ALS2CL: variants seen among roughly 807,000 people sequenced by gnomAD.
ALS2CL encodes ALS2 C-terminal-like protein.
ALS2CL carries 112 observed loss-of-function variants against 127.9 expected under a neutral mutation model. The ratio of observed to expected loss-of-function variants is 0.88; its 90% CI spans 0.75 to 1.02. The LOEUF is 1.02. ALS2CL is among the 50% of genes least tolerant of loss of function. The probability of loss-of-function intolerance (pLI) is 0.00; values close to 1 mark genes in which losing one functional copy is unlikely to be tolerated. For synonymous variants in ALS2CL, 519 were observed against 527.6 expected, an observed-to-expected ratio of 0.98 and a Z score of 0.22; for missense variants, 1,174 against 1,236.7, an observed-to-expected ratio of 0.95 and a Z score of 0.76.
rs765208490 is a variant in ALS2CL, at chr3:46,680,529, G to T, written c.1449C>A (p.Tyr483Ter). 4 of 1,612,522 alleles carry T rather than the reference G, an allele frequency of 2.5e-6. No homozygotes were observed. The highest frequency in any genetic ancestry group is 3.4e-6 in the Non-Finnish European group (4 of 1,179,946). Residue 483 changes from tyrosine (Y) to a stop codon, truncating the protein, a stop_gained, in exon 14 of 26, where the codon TAC becomes TAA. Coordinates refer to ENST00000318962, the MANE Select transcript of ALS2CL (RefSeq NM_147129.5). LOFTEE classifies it high-confidence loss of function. ...GCTGACCAGCCTGCCACATGCCAATGTAGCGCTCACCTCTGGAAGGAGAGG... is the reference window on the plus strand; with the variant it reads ...GCTGACCAGCCTGCCACATGCCAATTTAGCGCTCACCTCTGGAAGGAGAGG... ...IEEDGDRGER[Y>*]IGMWQAGQRH...
At chr3:46,683,008 A>C in intron 10 of ALS2CL, 122 bp downstream of exon 10, 1 of 1,057,596 alleles carries the variant, frequency 9.5e-7, no homozygotes, top group Non-Finnish European at 1.3e-6. Context: ...CTGAGAATTG[A>C]CTGTCCACAG....
chr3:46,691,924 C>T (rs1161756828), intron 1 of ALS2CL, among the ~76,000 whole-genome samples: 2 of 152,008 alleles, frequency 1.3e-5, no homozygotes, highest in African/African-American at 2.4e-5. Flanking sequence ...TGGAAGGGGG[C>T]TTCTCTGGGT....
intron 21 of ALS2CL, 64 bp from the exon 22 acceptor site, chr3:46,673,445 G>A (rs1698569831): frequency 2.0e-6 from 3 of 1,502,670 alleles, no homozygotes; most frequent in Non-Finnish European, 2.7e-6. Flanking sequence ...GAGGTCAGAG[G>A]GCAAATTCCC....
intron 21 of ALS2CL, among the ~76,000 whole-genome samples, chr3:46,674,210 AC>A (rs1173701890): frequency 2.0e-5 from 3 of 152,000 alleles, no homozygotes; most frequent in Non-Finnish European, 2.9e-5. Context: ...TGGGCTCAAG[AC>A]CCAAGCCCCA....
At chr3:46,672,521 AG>A (rs979333020) in intron 22 of ALS2CL, among the ~76,000 whole-genome samples, 3 of 152,208 alleles carry the variant, frequency 2.0e-5, no homozygotes, top group African/African-American at 7.2e-5. Context: ...CTCAAACCCA[AG>A]GGCTTAGTGA....
At chr3:46,679,373 G>C in intron 14 of ALS2CL, 86 bp from the exon 15 acceptor site, 1 of 1,207,668 alleles carries the variant, frequency 8.3e-7, no homozygotes, top group Non-Finnish European at 1.2e-6. Flanking sequence ...GCCAAAGAAG[G>C]GAGATGTGCC....
At chr3:46,685,237 C>T (rs1699672147) in intron 7 of ALS2CL, among the ~76,000 whole-genome samples, 1 of 152,228 alleles carries the variant, frequency 6.6e-6, no homozygotes, top group South Asian at 2.1e-4. Context: ...CTCACAATGA[C>T]CCCCACATTC....
At chr3:46,682,590 G>A (rs943339614) in intron 10 of ALS2CL, among the ~76,000 whole-genome samples, 3 of 152,152 alleles carry the variant, frequency 2.0e-5, no homozygotes, top group African/African-American at 7.2e-5. Context: ...CCCAGCTGTG[G>A]CATGGGGTGG....
intron 19 of ALS2CL, chr3:46,676,044 G>C: frequency 7.2e-7 from 1 of 1,385,782 alleles, no homozygotes; most frequent in Non-Finnish European, 9.5e-7. Context: ...TTGGACTCTA[G>C]CTGAGGGCTG....
In ALS2CL at chr3:46,669,542, G is replaced by C. The variant is rs545983088; in HGVS notation, c.*1442C>G. The C allele has an allele frequency of 1.3e-5, 2 of 152,396 alleles. No individual in the cohort carries two copies. Among genetic ancestry groups the C allele is most frequent in the South Asian group, 4.1e-4 (2 of 4,826 alleles). 9.4% of individuals were successfully genotyped at this position (152,396 alleles called of 1,614,324 possible). A position where few individuals can be genotyped will look rare whatever the true frequency, so the allele number is the denominator to read the frequency against. On this transcript the variant is annotated 3_prime_UTR_variant, in exon 26 of 26. Coordinates refer to ENST00000318962, the MANE Select transcript of ALS2CL (RefSeq NM_147129.5). The stretch of plus-strand genomic sequence containing the variant: ...AGAGCTGGCTGATGCCGATTGGAAA[G>C]GATAGAATCCTAGTGAGCTGCCCCA...
In ALS2CL at chr3:46,686,260, C is replaced by A. The variant is rs371622388; in HGVS notation, c.666+48G>T. 5.6e-5 allele frequency: 88 copies of A among 1,560,502 alleles called. No homozygotes were observed. Among genetic ancestry groups the A allele is most frequent in the Non-Finnish European group, 6.8e-5 (79 of 1,153,536 alleles). On this transcript the variant is annotated intron_variant, in intron 6 of 25. Coordinates refer to ENST00000318962, the MANE Select transcript of ALS2CL (RefSeq NM_147129.5). The surrounding 1 kb of genome is among the most constrained non-coding windows in gnomAD (Gnocchi z 4.3). ...GCTCAAGCCCCCCAACATCTCCATG[C>A]CCAATGTGGAACCCCCTCCCTAACT...
intron 14 of ALS2CL, chr3:46,679,497 T>C (rs1268369378): frequency 5.3e-6 from 2 of 379,786 alleles, no homozygotes; most frequent in Non-Finnish European, 9.4e-6. Context: ...CATCCCTGGA[T>C]TTCCCCAAAT....
intron 10 of ALS2CL, among the ~76,000 whole-genome samples, 178 bp downstream of exon 10, chr3:46,682,948 CACAG>C (rs1699468303): frequency 6.6e-6 from 1 of 152,242 alleles, no homozygotes; most frequent in Non-Finnish European, 1.5e-5. Context: ...CTTTATTTGG[CACAG>C]ACTGTCTCTG....
At position 46,671,498 on chromosome 3, in the gene ALS2CL, G is replaced by A; in HGVS notation, c.2771C>T (p.Thr924Ile). The A allele has an allele frequency of 6.2e-7, 1 of 1,614,090 alleles. No individual in the cohort carries two copies. The highest frequency in any genetic ancestry group is 8.5e-7 in the Non-Finnish European group (1 of 1,180,016). The change falls in exon 25 of 26, where the codon ACA becomes ATA. Residue 924 changes from threonine to isoleucine, a missense_variant. Physicochemically the swap from Thr to Ile is moderately conservative, Grantham distance 89. Coordinates refer to ENST00000318962, the MANE Select transcript of ALS2CL (RefSeq NM_147129.5). ...GCCCCTGTCCCTTACCTCCAGGGCTGTGAGCAGGAAGTCATACAGGCCTCC... is the reference window on the plus strand; with the variant it reads ...GCCCCTGTCCCTTACCTCCAGGGCTATGAGCAGGAAGTCATACAGGCCTCC... Reference protein sequence around the residue: ...HTGGLYDFLLTALESCYEHIQ... With the variant: ...HTGGLYDFLLIALESCYEHIQ...
Position 46,687,049 on chromosome 3 carries a change from C to G in ALS2CL, c.468G>C (p.Gln156His), listed in dbSNP as rs368009065. Residue 156 changes from glutamine to histidine, a missense_variant, in exon 5 of 26, where the codon CAG becomes CAC. Coordinates refer to ENST00000318962, the MANE Select transcript of ALS2CL (RefSeq NM_147129.5). ...ACTGTTGCACGTGATGGGCGAGTGG[C>G]TGGTGGAGGGCCTGGCCCAGCGATG... ...VGASLGQALH[Q>H]PLAHHVQQYV... 2 of 1,603,970 alleles carry G rather than the reference C, an allele frequency of 1.2e-6. No homozygotes were observed. The highest frequency in any genetic ancestry group is 8.5e-7 in the Non-Finnish European group (1 of 1,179,064).
chr3:46,684,886 C>A (rs1699644844), intron 7 of ALS2CL, among the ~76,000 whole-genome samples: 1 of 152,194 alleles, frequency 6.6e-6, no homozygotes, highest in Admixed American at 6.5e-5. Flanking sequence ...TCCTGCCAGG[C>A]CCCGGCCACC....
intron 16 of ALS2CL, among the ~76,000 whole-genome samples, chr3:46,677,984 T>C (rs1171184482): frequency 7.4e-6 from 1 of 134,284 alleles, no homozygotes; most frequent in Non-Finnish European, 1.6e-5. Context: ...GTAAACCGTA[T>C]TGTATCCTTT....
chr3:46,671,659 A>C, intron 24 of ALS2CL, 75 bp from the exon 25 acceptor site: 1 of 1,608,132 alleles, frequency 6.2e-7, no homozygotes. Flanking sequence ...CAGCTGGGGA[A>C]GGAGCGCTGG....
chr3:46,674,052 C>T (rs1040770726), intron 21 of ALS2CL, among the ~76,000 whole-genome samples: 5 of 152,116 alleles, frequency 3.3e-5, no homozygotes, highest in Non-Finnish European at 7.4e-5. Flanking sequence ...AAACACCTCC[C>T]GACATGCACC....
Sources: allele counts gnomAD v4.1 joint callset (sites outside exome capture counted in the v4.1 genomes callset), GRCh38; gene constraint gnomAD v4.1.1; non-coding constraint Gnocchi (gnomAD v3.1); transcripts MANE v1.5; gene names NCBI Gene and HGNC (gene_info 2026-07-23, HGNC 2026-07-21).